PCNX1: variants seen among roughly 807,000 people sequenced by gnomAD.
PCNX1 encodes pecanex-like protein 1.
In PCNX1, 78 loss-of-function variants were observed where a neutral mutation model predicts 242.2. That is an observed-to-expected ratio of 0.32 (90% CI 0.27 to 0.39). The LOEUF is 0.39. PCNX1 is among the 10% of genes least tolerant of loss of function. PCNX1 has a pLI of 1.00. For missense variants in PCNX1, 2,581 were observed against 2,856.5 expected (o/e 0.90, Z 2.20); for synonymous variants, 1,024 against 1,032.9 (o/e 0.99, Z 0.17).
intron 11 of PCNX1, 49 bp from the exon 12 acceptor site, chr14:71,018,960 A>C: frequency 2.7e-6 from 4 of 1,466,624 alleles, no homozygotes; most frequent in Non-Finnish European, 3.7e-6. Context: ...CCATTTGGTT[A>C]ATTTCTTATA....
intron 19 of PCNX1, among the ~76,000 whole-genome samples, chr14:71,040,098 C>T (rs751419845): frequency 6.6e-6 from 1 of 152,184 alleles, no homozygotes; most frequent in Non-Finnish European, 1.5e-5. Context: ...AGGTGTGAGC[C>T]ACTGCACCCT....
chr14:71,026,101 A>C lies in PCNX1; in HGVS notation c.3184-16A>C. ...TAAAATTAACCAAACTGACTTTTAAAAAATATCATTTTCAGGGTCATAATC... is the reference window on the plus strand; with the variant it reads ...TAAAATTAACCAAACTGACTTTTAACAAATATCATTTTCAGGGTCATAATC... On this transcript the variant is annotated splice_polypyrimidine_tract_variant and intron_variant, in intron 13 of 35. Transcript: ENST00000304743. 1 of 1,510,824 alleles carries C rather than the reference A, an allele frequency of 6.6e-7. No homozygotes were observed. Among genetic ancestry groups the C allele is most frequent in the Non-Finnish European group, 9.0e-7 (1 of 1,116,958 alleles). The allele number at this position is 1,510,824 out of a possible 1,614,324, so 93.6% of individuals were successfully genotyped here.
At chr14:71,073,298 A>G (rs2061631930) in intron 26 of PCNX1, among the ~76,000 whole-genome samples, 1 of 152,232 alleles carries the variant, frequency 6.6e-6, no homozygotes, top group South Asian at 2.1e-4. Flanking sequence ...ACTCTGTCTC[A>G]AAACAAACAA....
chr14:71,014,200 A>G (rs1379435564), intron 11 of PCNX1, among the ~76,000 whole-genome samples: 3 of 152,132 alleles, frequency 2.0e-5, no homozygotes, highest in Non-Finnish European at 2.9e-5. Flanking sequence ...GGGAATAATT[A>G]CCCCTAGCAG....
At chr14:70,927,386 G>A (rs1218679449) in intron 1 of PCNX1, among the ~76,000 whole-genome samples, 1 of 151,988 alleles carries the variant, frequency 6.6e-6, no homozygotes, top group Non-Finnish European at 1.5e-5. Flanking sequence ...TTAAATGTGC[G>A]TAATTGTAGT....
At chr14:71,019,752 A>C (rs2060049989) in intron 12 of PCNX1, among the ~76,000 whole-genome samples, 1 of 151,396 alleles carries the variant, frequency 6.6e-6, no homozygotes, top group African/African-American at 2.4e-5. Flanking sequence ...TTTTTTTTTA[A>C]TAGTAGTAGT....
intron 26 of PCNX1, among the ~76,000 whole-genome samples, chr14:71,065,923 C>T (rs1264704492): frequency 1.3e-5 from 2 of 152,092 alleles, no homozygotes; most frequent in African/African-American, 4.8e-5. Flanking sequence ...CAGATGGTCG[C>T]AGATGCGTGG....
intron 2 of PCNX1, among the ~76,000 whole-genome samples, chr14:70,954,348 C>T (rs1369415004): frequency 1.3e-5 from 2 of 152,106 alleles, no homozygotes; most frequent in African/African-American, 2.4e-5. Flanking sequence ...GGTTAAACCT[C>T]CTACCATATT....
intron 25 of PCNX1, among the ~76,000 whole-genome samples, chr14:71,055,942 A>T (rs1228571978): frequency 1.3e-5 from 2 of 152,110 alleles, no homozygotes; most frequent in East Asian, 1.9e-4. Flanking sequence ...GTTTTGGTCA[A>T]TATTAATTTA....
chr14:70,989,362 TAAG>T (rs983048587), intron 7 of PCNX1, among the ~76,000 whole-genome samples: 12 of 151,926 alleles, frequency 7.9e-5, no homozygotes, highest in African/African-American at 2.7e-4. Context: ...TAGTCCTAAG[TAAG>T]AAAGCATCCA....
chr14:70,993,133 T>TC (rs1258737821), intron 7 of PCNX1, among the ~76,000 whole-genome samples: 2 of 151,472 alleles, frequency 1.3e-5, no homozygotes, highest in East Asian at 3.9e-4. Context: ...AATTTTTTTT[T>TC]TTTTTGAGAC....
intron 33 of PCNX1, 46 bp from the exon 34 acceptor site, chr14:71,108,558 T>C: frequency 6.9e-7 from 1 of 1,447,842 alleles, no homozygotes; most frequent in Non-Finnish European, 9.5e-7. Flanking sequence ...AAGTATTGTG[T>C]CTGAGTCATT....
chr14:70,974,280 G>A (rs573057137), intron 5 of PCNX1, among the ~76,000 whole-genome samples: 11 of 126,312 alleles, frequency 8.7e-5, no homozygotes, highest in African/African-American at 3.4e-4. Context: ...GTCTCGCTCT[G>A]TTGCCCAGGA....
intron 1 of PCNX1, among the ~76,000 whole-genome samples, chr14:70,911,238 T>A (rs1319521574): frequency 6.6e-6 from 1 of 152,194 alleles, no homozygotes; most frequent in Non-Finnish European, 1.5e-5. Context: ...TACACAGAGC[T>A]TTCTGAAGGC....
At chr14:70,909,450 G>C (rs952946257) in intron 1 of PCNX1, among the ~76,000 whole-genome samples, 1 of 152,130 alleles carries the variant, frequency 6.6e-6, no homozygotes, top group African/African-American at 2.4e-5. Flanking sequence ...TAATGAACGG[G>C]TTAATTACTT....
Position 70,969,617 on chromosome 14 carries a change from C to A in PCNX1, c.604+507C>A, listed in dbSNP as rs74060514. Among the ~76,000 whole-genome samples the A allele has an allele frequency of 8.6e-3, 1,315 of 152,100 alleles. 26 individuals are homozygous for A. The highest frequency in any genetic ancestry group is 0.03 in the African/African-American group (1,241 of 41,476). On this transcript the variant is annotated intron_variant, in intron 5 of 35. Coordinates refer to ENST00000304743, the MANE Select transcript of PCNX1 (RefSeq NM_014982.3). ...GGGTGCTTTTTTGGAATTACAGTAC[C>A]CTATCATTGTTTCTTTGCTTCTGTG...
At chr14:71,095,988 C>T (rs1468258776) in intron 30 of PCNX1, among the ~76,000 whole-genome samples, 1 of 152,010 alleles carries the variant, frequency 6.6e-6, no homozygotes, top group Non-Finnish European at 1.5e-5. Flanking sequence ...TCACCCTGGG[C>T]AACATAGCAA....
chr14:71,092,556 C>G (rs1215030404), intron 30 of PCNX1: 1 of 152,196 alleles, frequency 6.6e-6, no homozygotes, highest in Non-Finnish European at 1.5e-5. Context: ...TTAAGAAAAT[C>G]ATTGAGGAAA....
intron 8 of PCNX1, among the ~76,000 whole-genome samples, chr14:71,003,832 G>A (rs548462244): frequency 4.3e-4 from 66 of 152,334 alleles, no homozygotes; most frequent in African/African-American, 1.5e-3. Flanking sequence ...CCCCAAAGCT[G>A]TCTTCTAAAC....
Sources: gnomAD v4.1 joint callset for allele counts (sites outside exome capture counted in the v4.1 genomes callset) on GRCh38, gnomAD v4.1.1 for gene constraint, MANE v1.5 for transcripts, NCBI Gene and HGNC (gene_info 2026-07-23, HGNC 2026-07-21) for gene names.